Variants in SRGAP1 observed in about 807,000 individuals in gnomAD.
SRGAP1 encodes the protein SLIT-ROBO Rho GTPase-activating protein 1.
In SRGAP1, 43 loss-of-function variants were observed where a neutral mutation model predicts 121.9. The observed-to-expected ratio is 0.35, with a 90% confidence interval of 0.28 to 0.46. The LOEUF (loss-of-function observed/expected upper bound fraction) is 0.46. SRGAP1 is among the 20% of genes least tolerant of loss of function. The pLI, the probability that SRGAP1 is intolerant of heterozygous loss-of-function variation, is 1.00. For synonymous variants in SRGAP1, 447 were observed against 485.4 expected (o/e 0.92, Z 1.04); for missense variants, 1,102 against 1,350.9 (o/e 0.82, Z 2.89).
chr12:63,990,511 G>A (rs1158312748), intron 3 of SRGAP1, among the ~76,000 whole-genome samples: 4 of 152,110 alleles, frequency 2.6e-5, no homozygotes, highest in African/African-American at 7.2e-5. Context: ...CAGCCTGGGC[G>A]ACAGAGTGAG....
chr12:63,927,216 T>G lies in SRGAP1; in HGVS notation c.68-56731T>G, dbSNP rs148343499. ...TGGCTTGGAAGACTTTGGTTGGTCA[T>G]CCATTCCTATTCTACAGTTCTAGAA... On this transcript the variant is annotated intron_variant, in intron 1 of 21. Transcript: ENST00000355086. 5.3e-5 allele frequency among the ~76,000 whole-genome samples: 8 copies of G among 152,340 alleles called. No individual in the cohort carries two copies. The East Asian group carries it at 1.5e-3, about 29-fold the overall frequency.
chr12:63,990,084 A>G lies in SRGAP1; in HGVS notation c.426+12A>G. On this transcript the variant is annotated intron_variant, in intron 3 of 21. Transcript: ENST00000355086. ...GGATGTTTAAAAAGGTACACTCCAT[A>G]AATCCTGCCATAGTGTGCTTTCCAA... The G allele has an allele frequency of 6.3e-7, 1 of 1,587,556 alleles. No homozygotes were observed. The highest frequency in any genetic ancestry group is 8.6e-7 in the Non-Finnish European group (1 of 1,167,996).
chr12:64,042,828 C>T lies in SRGAP1; in HGVS notation c.528C>T (p.Ile176=). 1 of 1,613,780 alleles carries T rather than the reference C, an allele frequency of 6.2e-7. No homozygotes were observed. Among genetic ancestry groups the T allele is most frequent in the Non-Finnish European group, 8.5e-7 (1 of 1,179,894 alleles). The change falls in exon 5 of 22, where the codon ATC becomes ATT. Residue 176 remains isoleucine, a synonymous_variant. Coordinates refer to ENST00000355086, the MANE Select transcript of SRGAP1 (RefSeq NM_020762.4). Reference sequence around the variant, plus strand: ...ACCATATGTATCATGCAGAGAGCATCAGTGCAGAGAGCAAGCTGAAAGAGG... The same window carrying T: ...ACCATATGTATCATGCAGAGAGCATTAGTGCAGAGAGCAAGCTGAAAGAGG... ...KTYHMYHAES[I]SAESKLKEAE... is the part of the protein sequence containing the mutation.
At chr12:64,014,662 C>G (rs1238570535) in intron 3 of SRGAP1, among the ~76,000 whole-genome samples, 2 of 152,066 alleles carry the variant, frequency 1.3e-5, no homozygotes, top group Non-Finnish European at 2.9e-5. Context: ...GATATTTGGC[C>G]TAAGATAGCT....
intron 1 of SRGAP1, among the ~76,000 whole-genome samples, chr12:63,910,147 C>T (rs1239622541): frequency 6.6e-6 from 1 of 152,206 alleles, no homozygotes; most frequent in Non-Finnish European, 1.5e-5. Flanking sequence ...GGATCAAATG[C>T]AATGCTACAT....
intron 1 of SRGAP1, among the ~76,000 whole-genome samples, chr12:63,920,476 C>T (rs2030997584): frequency 6.6e-6 from 1 of 152,004 alleles, no homozygotes; most frequent in African/African-American, 2.4e-5. Context: ...CCTGGGATGC[C>T]ATGGTAAATA....
At chr12:64,008,610 G>C (rs1272583632) in intron 3 of SRGAP1, among the ~76,000 whole-genome samples, 1 of 152,154 alleles carries the variant, frequency 6.6e-6, no homozygotes, top group African/African-American at 2.4e-5. Context: ...GCGTAAATCA[G>C]ACTGGATTGA....
rs138189784 is a variant in SRGAP1, at chr12:64,115,902, T to G, written c.2224+9T>G. 0.023 allele frequency: 36,586 copies of G among 1,606,432 alleles called. 1,085 individuals carry two copies. The highest frequency in any genetic ancestry group is 0.12 in the South Asian group (10,630 of 89,950). On this transcript the variant is annotated intron_variant, in intron 18 of 21. Transcript: ENST00000355086. The stretch of plus-strand genomic sequence containing the variant: ...CCACACAAGTGAAGATGGTATGCTC[T>G]CCCCTTATGCTATTATAAAGCCAGT...
intron 21 of SRGAP1, among the ~76,000 whole-genome samples, chr12:64,135,252 C>T (rs1171066126): frequency 6.6e-6 from 1 of 152,178 alleles, no homozygotes; most frequent in Non-Finnish European, 1.5e-5. Flanking sequence ...CTAATCAATG[C>T]CCTCACTTTA....
At chr12:63,873,113 T>G (rs1899909441) in intron 1 of SRGAP1, among the ~76,000 whole-genome samples, 1 of 152,194 alleles carries the variant, frequency 6.6e-6, no homozygotes, top group Non-Finnish European at 1.5e-5. Context: ...TAATAGCTAA[T>G]AGCTATTGGG....
At chr12:64,103,671 CT>C (rs2036294640) in intron 15 of SRGAP1, among the ~76,000 whole-genome samples, 2 of 152,208 alleles carry the variant, frequency 1.3e-5, no homozygotes, top group Middle Eastern at 3.4e-3. Context: ...TTCCTTTATC[CT>C]TAAAAATATT....
intron 3 of SRGAP1, among the ~76,000 whole-genome samples, chr12:63,994,121 A>C (rs1048914897): frequency 4.6e-5 from 7 of 152,204 alleles, no homozygotes; most frequent in African/African-American, 1.7e-4. Context: ...TACTCCAGAT[A>C]GTCGTTTAGA....
chr12:64,014,335 A>C (rs938306430), intron 3 of SRGAP1, among the ~76,000 whole-genome samples: 1 of 152,216 alleles, frequency 6.6e-6, no homozygotes, highest in Non-Finnish European at 1.5e-5. Context: ...TGTCTGGCAG[A>C]CCACAGTCTG....
chr12:63,951,977 A>T (rs1031018794), intron 1 of SRGAP1, among the ~76,000 whole-genome samples: 5 of 152,066 alleles, frequency 3.3e-5, no homozygotes, highest in African/African-American at 1.2e-4. Flanking sequence ...GATTTAGCCA[A>T]TTTTTAAAAT....
intron 1 of SRGAP1, among the ~76,000 whole-genome samples, chr12:63,946,384 C>T (rs894022394): frequency 2.0e-5 from 3 of 149,718 alleles, no homozygotes; most frequent in Admixed American, 6.7e-5. Flanking sequence ...GACATATGTA[C>T]GAAACCACTA....
At chr12:64,134,831 T>C (rs1350210391) in intron 21 of SRGAP1, among the ~76,000 whole-genome samples, 2 of 152,186 alleles carry the variant, frequency 1.3e-5, no homozygotes, top group Non-Finnish European at 2.9e-5. Flanking sequence ...TTTCTATTTA[T>C]ATAAATTAGA....
chr12:63,875,069 C>T (rs1216694979), intron 1 of SRGAP1, among the ~76,000 whole-genome samples: 2 of 152,196 alleles, frequency 1.3e-5, no homozygotes, highest in East Asian at 3.9e-4. Context: ...GCATCTGCCA[C>T]TGCACCTAGC....
At chr12:63,860,155 A>G (rs113672186) in intron 1 of SRGAP1, among the ~76,000 whole-genome samples, 41 of 152,130 alleles carry the variant, frequency 2.7e-4, no homozygotes, top group Admixed American at 2.6e-4. Flanking sequence ...GACCACAAGC[A>G]TGCACCACCA....
chr12:64,050,060 T>C (rs561440657), intron 6 of SRGAP1, among the ~76,000 whole-genome samples: 1 of 152,286 alleles, frequency 6.6e-6, no homozygotes, highest in South Asian at 2.1e-4. Context: ...ATTTTCAGTT[T>C]CTTGCATCAG....
Sources: allele counts gnomAD v4.1 joint callset (sites outside exome capture counted in the v4.1 genomes callset), GRCh38; gene constraint gnomAD v4.1.1; transcripts MANE v1.5; gene names NCBI Gene and HGNC (gene_info 2026-07-23, HGNC 2026-07-21).